Variants in MICU2 observed in about 807,000 individuals in gnomAD.
MICU2 encodes mitochondrial calcium uptake 2.
Under a neutral mutation model 60.4 loss-of-function variants are expected in MICU2, and 64 were observed. That is an observed-to-expected ratio of 1.06 (90% confidence interval 0.87 to 1.31). MICU2 has a LOEUF of 1.31. Ranked by LOEUF, MICU2 falls within the 50% of genes most tolerant of loss-of-function variation. MICU2 has a pLI of 0.00. For missense variants in MICU2, 569 were observed against 531.0 expected (o/e 1.07, Z -0.70); for synonymous variants, 201 against 175.0 (o/e 1.15, Z -1.17).
chr13:21,531,011 T>C, intron 4 of MICU2: 1 of 815,284 alleles, frequency 1.2e-6, no homozygotes, highest in South Asian at 1.3e-5. Flanking sequence ...ATAATGAAAG[T>C]GCCTGCAACT....
chr13:21,593,179 A>C (rs1461538886), intron 1 of MICU2, among the ~76,000 whole-genome samples: 1 of 152,152 alleles, frequency 6.6e-6, no homozygotes, highest in Non-Finnish European at 1.5e-5. Context: ...TCAGGATCCA[A>C]AATCAATGTG....
chr13:21,517,782 C>CAT (rs1886607278), intron 6 of MICU2, among the ~76,000 whole-genome samples: 2 of 92,950 alleles, frequency 2.2e-5, no homozygotes, highest in African/African-American at 8.1e-5. Context: ...CACACACACA[C>CAT]ACACACACAC....
chr13:21,517,923 A>T (rs1179079361), intron 6 of MICU2, among the ~76,000 whole-genome samples: 16 of 152,008 alleles, frequency 1.1e-4, no homozygotes, highest in East Asian at 3.9e-4. Flanking sequence ...GTTTTTTTTT[A>T]AAATGACATG....
At chr13:21,501,825 A>C (rs1815441347) in intron 9 of MICU2, among the ~76,000 whole-genome samples, 1 of 152,106 alleles carries the variant, frequency 6.6e-6, no homozygotes, top group Admixed American at 6.5e-5. Flanking sequence ...CTTCTTTCAG[A>C]TGATGTAACT....
chr13:21,557,865 CATT>C (rs1008249302), intron 2 of MICU2, among the ~76,000 whole-genome samples: 23 of 152,132 alleles, frequency 1.5e-4, no homozygotes, highest in Non-Finnish European at 2.6e-4. Context: ...AAAGTGGAAA[CATT>C]ATAATCTTTA....
At chr13:21,541,164 G>A (rs1180104654) in intron 2 of MICU2, among the ~76,000 whole-genome samples, 6 of 151,998 alleles carry the variant, frequency 3.9e-5, no homozygotes, top group Non-Finnish European at 7.4e-5. Context: ...AATGGATGGT[G>A]TCTAAGAGTT....
chr13:21,500,456 A>T (rs1429340877), intron 9 of MICU2, among the ~76,000 whole-genome samples: 1 of 128,340 alleles, frequency 7.8e-6, no homozygotes, highest in Non-Finnish European at 1.6e-5. Flanking sequence ...TTTGAGACAG[A>T]GTCTCACTGT....
chr13:21,546,968 A>G (rs1176388866), intron 2 of MICU2, among the ~76,000 whole-genome samples: 1 of 152,146 alleles, frequency 6.6e-6, no homozygotes, highest in Non-Finnish European at 1.5e-5. Context: ...TTAAATGTGT[A>G]GGTCTCATTT....
chr13:21,514,769 T>C (rs925903328), intron 6 of MICU2, among the ~76,000 whole-genome samples: 1 of 151,828 alleles, frequency 6.6e-6, no homozygotes, highest in East Asian at 1.9e-4. Context: ...CTCGATCTCC[T>C]GACTTTGTGA....
At chr13:21,507,697 G>A (rs9550741) in intron 8 of MICU2, among the ~76,000 whole-genome samples, 32,285 of 150,740 alleles carry the variant, frequency 0.21, 4,405 homozygotes, top group East Asian at 0.66. Context: ...TCTGCTGCCC[G>A]GGTTCAAGCA....
chr13:21,574,167 T>C (rs1888174647), intron 1 of MICU2, among the ~76,000 whole-genome samples: 1 of 152,188 alleles, frequency 6.6e-6, no homozygotes, highest in Admixed American at 6.6e-5. Context: ...GCTGTTATCC[T>C]ATCCCTACCC....
chr13:21,550,187 G>C (rs1887519874), intron 2 of MICU2, among the ~76,000 whole-genome samples: 1 of 152,122 alleles, frequency 6.6e-6, no homozygotes, highest in Admixed American at 6.5e-5. Flanking sequence ...GTTTTCCAAA[G>C]CTACACAAAT....
intron 2 of MICU2, among the ~76,000 whole-genome samples, chr13:21,552,801 G>C (rs1887605179): frequency 6.6e-6 from 1 of 152,082 alleles, no homozygotes; most frequent in Admixed American, 6.5e-5. Flanking sequence ...CTCTGTTTTG[G>C]TACGAGTACC....
chr13:21,604,149 C>T lies in MICU2; in HGVS notation c.-1G>A, dbSNP rs1304765244. 6.4e-7 allele frequency: 1 copy of T among 1,552,956 alleles called. No homozygotes were observed. The highest frequency in any genetic ancestry group is 1.2e-5 in the South Asian group (1 of 84,896). On this transcript the variant is annotated 5_prime_UTR_variant, in exon 1 of 12. Coordinates refer to ENST00000382374, the MANE Select transcript of MICU2 (RefSeq NM_152726.3). ...CGCAGCTACCCGCAGCCGCCGCCAT[C>T]TTTGCGGAAGCGCAGCTAGGCGGCG...
intron 1 of MICU2, among the ~76,000 whole-genome samples, chr13:21,592,032 T>A: frequency 7.7e-6 from 1 of 130,698 alleles, no homozygotes; most frequent in African/African-American, 2.6e-5. Context: ...TTGAAGGAGA[T>A]AGAGACAAGA....
intron 4 of MICU2, among the ~76,000 whole-genome samples, chr13:21,525,355 G>C (rs921283849): frequency 6.6e-6 from 1 of 151,538 alleles, no homozygotes; most frequent in African/African-American, 2.4e-5. Flanking sequence ...ACCACGCCCG[G>C]TTAATTTTTT....
At chr13:21,534,658 T>C (rs1481207050) in intron 4 of MICU2, among the ~76,000 whole-genome samples, 1 of 152,200 alleles carries the variant, frequency 6.6e-6, no homozygotes, top group Non-Finnish European at 1.5e-5. Flanking sequence ...CTGAAATAGA[T>C]CAGGATAATT....
chr13:21,600,954 G>A (rs1460972802), intron 1 of MICU2, among the ~76,000 whole-genome samples: 2 of 152,176 alleles, frequency 1.3e-5, no homozygotes, highest in East Asian at 3.9e-4. Flanking sequence ...CCGCCACCAC[G>A]CCCAGCTAAT....
At position 21,495,247 on chromosome 13, in the gene MICU2, T is replaced by G; in HGVS notation, c.1114A>C (p.Lys372Gln). The change falls in exon 11 of 12, where the codon AAG becomes CAG. Residue 372 changes from lysine to glutamine, a missense_variant. Physicochemically the swap from Lys to Gln is moderately conservative, Grantham distance 53. Coordinates refer to ENST00000382374, the MANE Select transcript of MICU2 (RefSeq NM_152726.3). ...TCATCACCATCCAAATCAAAGATCT[T>G]AAAGACAGTGTCCAAAATATTGTTT... Reference protein sequence around the residue: ...LSNNILDTVFKIFDLDGDECL... With the variant: ...LSNNILDTVFQIFDLDGDECL... The G allele has an allele frequency of 6.2e-7, 1 of 1,613,554 alleles. No individual in the cohort carries two copies. The highest frequency in any genetic ancestry group is 8.5e-7 in the Non-Finnish European group (1 of 1,179,732).
Sources: gnomAD v4.1 joint callset for allele counts (sites outside exome capture counted in the v4.1 genomes callset) on GRCh38, gnomAD v4.1.1 for gene constraint, MANE v1.5 for transcripts, NCBI Gene and HGNC (gene_info 2026-07-23, HGNC 2026-07-21) for gene names.